Variants in BCAS1 observed in about 807,000 individuals in gnomAD.
The protein encoded by BCAS1 is brain enriched myelin associated protein 1, also known as breast carcinoma-amplified sequence 1.
In BCAS1, 46 loss-of-function variants were observed where a neutral mutation model predicts 65.4. The observed-to-expected ratio is 0.70, with a 90% CI of 0.55 to 0.90. The LOEUF (loss-of-function observed/expected upper bound fraction) is 0.90. Among genes scored for constraint, BCAS1 ranks in the 40% least tolerant of loss-of-function variants. The probability of loss-of-function intolerance (pLI) is 0.00; values close to 1 mark genes in which losing one functional copy is unlikely to be tolerated. For synonymous variants in BCAS1, 298 were observed against 293.5 expected, an observed-to-expected ratio of 1.02 and a Z score of -0.16; for missense variants, 793 against 771.2, an observed-to-expected ratio of 1.03 and a Z score of -0.33.
intron 4 of BCAS1, among the ~76,000 whole-genome samples, chr20:54,019,128 T>C (rs1341011577): frequency 1.3e-5 from 2 of 152,236 alleles, no homozygotes; most frequent in African/African-American, 4.8e-5. Flanking sequence ...TTTCAACTTC[T>C]GGTTTATGTT....
intron 10 of BCAS1, among the ~76,000 whole-genome samples, chr20:53,965,443 C>T (rs1448701830): frequency 6.6e-6 from 1 of 152,096 alleles, no homozygotes; most frequent in Non-Finnish European, 1.5e-5. Context: ...AACTAATGAC[C>T]TTTTACATGC....
At chr20:53,992,352 TC>T (rs2090782114) in intron 7 of BCAS1, among the ~76,000 whole-genome samples, 159 bp downstream of exon 7, 1 of 152,158 alleles carries the variant, frequency 6.6e-6, no homozygotes, top group African/African-American at 2.4e-5. Context: ...GACTTAAAAA[TC>T]ACTGAAGTTT....
intron 4 of BCAS1, among the ~76,000 whole-genome samples, chr20:54,016,980 C>T (rs1290401424): frequency 6.6e-6 from 1 of 152,232 alleles, no homozygotes; most frequent in South Asian, 2.1e-4. Flanking sequence ...AGGCTCATCT[C>T]ACACGGGGGT....
chr20:54,042,129 T>C (rs1253875841), intron 3 of BCAS1, among the ~76,000 whole-genome samples: 1 of 152,080 alleles, frequency 6.6e-6, no homozygotes. Flanking sequence ...ACTGTAGTTG[T>C]GGCAAAAAAC....
chr20:54,058,917 A>AAAAG (rs1196707777), intron 1 of BCAS1, among the ~76,000 whole-genome samples, 194 bp from the exon 2 acceptor site: 5 of 152,184 alleles, frequency 3.3e-5, no homozygotes, highest in Non-Finnish European at 7.3e-5. Context: ...ATTTATAAAG[A>AAAAG]AAAGAGGTTG....
rs368614168 is a variant in BCAS1 at position 53,958,726 on chromosome 20, T to G, written c.1486-1229A>C. Among the ~76,000 whole-genome samples, 12 of 152,374 alleles carry G rather than the reference T, an allele frequency of 7.9e-5. 1 individual carries two copies. The highest frequency in any genetic ancestry group is 3.9e-4 in the East Asian group (2 of 5,182). ...TGCTAAATGAGATAATAACTTGCAT[T>G]ATTTCATTTATTCATTATGTCAGAA... is the stretch of plus-strand genomic sequence containing the variant. On this transcript the variant is annotated intron_variant, in intron 10 of 12. Coordinates refer to ENST00000688948, the MANE Select transcript of BCAS1 (RefSeq NM_001366298.2).
intron 10 of BCAS1, among the ~76,000 whole-genome samples, chr20:53,964,478 C>T (rs1013449136): frequency 4.6e-5 from 7 of 152,284 alleles, no homozygotes; most frequent in African/African-American, 1.2e-4. Flanking sequence ...AGATAATGTT[C>T]GTGTTCCCAG....
At chr20:54,034,434 G>C (rs989350214) in intron 3 of BCAS1, among the ~76,000 whole-genome samples, 2 of 151,344 alleles carry the variant, frequency 1.3e-5, no homozygotes, top group African/African-American at 4.8e-5. Flanking sequence ...CTTCAGCAAA[G>C]TCTCAGGATA....
chr20:53,951,259 G>A (rs1238869071), intron 12 of BCAS1, among the ~76,000 whole-genome samples: 1 of 152,086 alleles, frequency 6.6e-6, no homozygotes, highest in Non-Finnish European at 1.5e-5. Flanking sequence ...GATCACTCGA[G>A]CTCGGGAGTT....
At position 54,064,549 on chromosome 20, in the gene BCAS1, C is replaced by T. The variant is rs185576980; in HGVS notation, c.-5-5826G>A. Reference sequence around the variant, plus strand: ...CCAGCTTCCCTTCCCCCAGAACTGGCGGGCAGGGCAGGCTTTCCAGCTGGT... The same window carrying T: ...CCAGCTTCCCTTCCCCCAGAACTGGTGGGCAGGGCAGGCTTTCCAGCTGGT... On this transcript the variant is annotated intron_variant, in intron 1 of 12. Transcript: ENST00000688948. Among the ~76,000 whole-genome samples, 5 of 152,306 alleles carry T rather than the reference C, an allele frequency of 3.3e-5. No individual in the cohort carries two copies. The East Asian group carries it at 5.8e-4, about 18-fold the overall frequency.
At position 54,058,125 on chromosome 20, in the gene BCAS1, T is replaced by A; in HGVS notation, c.102A>T (p.Pro34=). 6.2e-7 allele frequency: 1 copy of A among 1,613,940 alleles called. No individual in the cohort carries two copies. The highest frequency in any genetic ancestry group is 8.5e-7 in the Non-Finnish European group (1 of 1,179,962). Residue 34 remains proline (P), a synonymous_variant, in exon 3 of 13, where the codon CCA becomes CCT. Coordinates refer to ENST00000688948, the MANE Select transcript of BCAS1 (RefSeq NM_001366298.2). The part of the protein sequence containing the change: ...QDNASALNGV[P]VVVSTHTVQH... Reference sequence around the variant, plus strand: ...GAACTGTGTGGGTCGACACCACCACTGGAACCCCGTTCAGAGCAGACGCGT... The same window carrying A: ...GAACTGTGTGGGTCGACACCACCACAGGAACCCCGTTCAGAGCAGACGCGT...
chr20:54,066,691 A>T (rs1568939833), intron 1 of BCAS1, among the ~76,000 whole-genome samples: 1 of 152,222 alleles, frequency 6.6e-6, no homozygotes, highest in South Asian at 2.1e-4. Flanking sequence ...GGCTAGCCAG[A>T]AAGAGTGGTC....
intron 12 of BCAS1, among the ~76,000 whole-genome samples, chr20:53,946,699 C>A (rs1306196958): frequency 6.7e-6 from 1 of 150,058 alleles, no homozygotes; most frequent in Non-Finnish European, 1.5e-5. Context: ...AACTATAGCA[C>A]AGTATAGTTT....
chr20:53,982,704 C>A (rs208368), intron 8 of BCAS1, among the ~76,000 whole-genome samples: 110,072 of 152,068 alleles, frequency 0.72, 40,241 homozygotes, highest in East Asian at 0.94. Flanking sequence ...TGTAATTTAA[C>A]GAAAAGAAAA....
chr20:54,008,012 C>T (rs370834414), intron 4 of BCAS1, among the ~76,000 whole-genome samples: 9 of 152,304 alleles, frequency 5.9e-5, no homozygotes, highest in African/African-American at 2.2e-4. Context: ...TAGGCTCTGA[C>T]ATACTCACAA....
chr20:54,065,113 C>CTATCATCTATCT (rs145556308), intron 1 of BCAS1, among the ~76,000 whole-genome samples: 2 of 144,176 alleles, frequency 1.4e-5, no homozygotes, highest in African/African-American at 5.2e-5. Context: ...ATCTATCTAT[C>CTATCATCTATCT]ATCTATCTAT....
At chr20:53,990,007 T>A (rs1284934909) in intron 7 of BCAS1, among the ~76,000 whole-genome samples, 1 of 152,252 alleles carries the variant, frequency 6.6e-6, no homozygotes, top group Non-Finnish European at 1.5e-5. Context: ...TCTAGTGGAT[T>A]CAATTTGGAG....
intron 10 of BCAS1, among the ~76,000 whole-genome samples, chr20:53,959,553 C>T (rs1462448736): frequency 6.6e-6 from 1 of 152,122 alleles, no homozygotes; most frequent in Non-Finnish European, 1.5e-5. Context: ...TGTGCTTGGC[C>T]CAGCTATTTT....
chr20:54,018,628 G>C (rs1010250133), intron 4 of BCAS1, among the ~76,000 whole-genome samples: 2 of 152,002 alleles, frequency 1.3e-5, no homozygotes, highest in African/African-American at 4.8e-5. Flanking sequence ...GAGCCACCGC[G>C]CCCAGCCTCC....
Sources: gnomAD v4.1 joint callset for allele counts (sites outside exome capture counted in the v4.1 genomes callset) on GRCh38, gnomAD v4.1.1 for gene constraint, MANE v1.5 for transcripts, NCBI Gene and HGNC (gene_info 2026-07-23, HGNC 2026-07-21) for gene names.